Variants in DAB1 observed in about 807,000 individuals in gnomAD.
DAB1 encodes the protein DAB adaptor protein 1, also known as disabled homolog 1.
A neutral mutation model predicts 64.6 loss-of-function variants in DAB1; 15 were observed. The observed-to-expected ratio is 0.23, with a 90% CI of 0.16 to 0.36. The LOEUF is 0.36. Ranked by LOEUF, DAB1 falls within the 10% of genes least tolerant of loss-of-function variation. The pLI is 1.00. For missense variants in DAB1, 596 were observed against 706.7 expected (o/e 0.84, Z 1.78); for synonymous variants, 235 against 251.9 (o/e 0.93, Z 0.64).
At chr1:57,119,385 C>G (rs1325702760) in intron 4 of DAB1, among the ~76,000 whole-genome samples, 1 of 151,890 alleles carries the variant, frequency 6.6e-6, no homozygotes, top group Non-Finnish European at 1.5e-5. Flanking sequence ...GTGTCTTTCC[C>G]CCCTCCTCTT....
chr1:58,065,146 C>T (rs1266952828), intron 5 of DAB1, among the ~76,000 whole-genome samples: 5 of 152,186 alleles, frequency 3.3e-5, no homozygotes, highest in Admixed American at 2.6e-4. Flanking sequence ...ATTTATTGAG[C>T]ACTTACCCTG....
chr1:58,533,128 T>TA (rs1301239667), intron 1 of DAB1, among the ~76,000 whole-genome samples: 1 of 152,224 alleles, frequency 6.6e-6, no homozygotes, highest in African/African-American at 2.4e-5. Context: ...AATAACAATT[T>TA]AAAAAATGTG....
chr1:57,737,239 G>T (rs949009190), intron 6 of DAB1, among the ~76,000 whole-genome samples: 2 of 152,192 alleles, frequency 1.3e-5, no homozygotes, highest in African/African-American at 4.8e-5. Flanking sequence ...AAAAGACAAT[G>T]GTGCTTGTTG....
Position 57,813,554 on chromosome 1 carries a change from G to A in DAB1, n.551+70445C>T, listed in dbSNP as rs112484148. The stretch of plus-strand genomic sequence containing the variant: ...ACAATGCGGTAAGTGCTTTCATTGC[G>A]CTAACCCATGGGAACACAGAAGGGG... On this transcript the variant is annotated intron_variant and non_coding_transcript_variant, in intron 6 of 20. Coordinates refer to the DAB1 transcript ENST00000485760. 2.6e-3 allele frequency among the ~76,000 whole-genome samples: 397 copies of A among 152,278 alleles called. 3 individuals carry two copies. Among genetic ancestry groups the A allele is most frequent in the Middle Eastern group, 0.01 (3 of 294 alleles).
At chr1:58,086,691 A>G (rs1650335016) in intron 5 of DAB1, among the ~76,000 whole-genome samples, 1 of 151,942 alleles carries the variant, frequency 6.6e-6, no homozygotes, top group Non-Finnish European at 1.5e-5. Flanking sequence ...CTCACATACC[A>G]GGGAATGGCC....
At chr1:58,355,201 T>C (rs941166703) in intron 3 of DAB1, among the ~76,000 whole-genome samples, 1 of 152,164 alleles carries the variant, frequency 6.6e-6, no homozygotes, top group Non-Finnish European at 1.5e-5. Flanking sequence ...AACACACAAC[T>C]CAACTCTCCT....
At chr1:58,249,800 T>A (rs906870244) in intron 4 of DAB1, among the ~76,000 whole-genome samples, 1 of 152,088 alleles carries the variant, frequency 6.6e-6, no homozygotes, top group Non-Finnish European at 1.5e-5. Flanking sequence ...GGGATTCCGC[T>A]TGGGGGGTTC....
intron 7 of DAB1, among the ~76,000 whole-genome samples, chr1:57,555,185 C>T (rs1479060684): frequency 1.3e-5 from 2 of 151,732 alleles, no homozygotes; most frequent in East Asian, 3.9e-4. Flanking sequence ...CAGGCACGTG[C>T]CCCCACACCC....
chr1:58,404,028 C>G (rs551010600), intron 3 of DAB1, among the ~76,000 whole-genome samples: 1 of 152,158 alleles, frequency 6.6e-6, no homozygotes, highest in South Asian at 2.1e-4. Context: ...TCCCAGAGAA[C>G]AGACAACAGA....
chr1:57,712,084 C>T (rs1037250119), intron 6 of DAB1, among the ~76,000 whole-genome samples: 11 of 152,066 alleles, frequency 7.2e-5, no homozygotes, highest in African/African-American at 2.7e-4. Flanking sequence ...CGAGATATCT[C>T]AAAACATGAC....
chr1:58,050,936 C>T (rs1171016237), intron 5 of DAB1, among the ~76,000 whole-genome samples: 1 of 152,126 alleles, frequency 6.6e-6, no homozygotes, highest in African/African-American at 2.4e-5. Context: ...ATTACTGATG[C>T]TCTACTACAT....
intron 1 of DAB1, among the ~76,000 whole-genome samples, chr1:57,362,734 GTTGT>G (rs1226961826): frequency 6.6e-6 from 1 of 152,078 alleles, no homozygotes; most frequent in Non-Finnish European, 1.5e-5. Flanking sequence ...CTGGACTTAA[GTTGT>G]TTATTAGCTA....
chr1:58,488,110 T>C (rs147424769), intron 3 of DAB1, among the ~76,000 whole-genome samples: 19 of 152,304 alleles, frequency 1.2e-4, no homozygotes, highest in African/African-American at 4.6e-4. Context: ...GATAAAGTTT[T>C]CTTTAAATAC....
chr1:57,693,441 C>T (rs1432578307), intron 6 of DAB1, among the ~76,000 whole-genome samples: 5 of 152,112 alleles, frequency 3.3e-5, no homozygotes, highest in Non-Finnish European at 7.4e-5. Context: ...CACCAATCAG[C>T]ACTCTGTGTC....
At position 57,015,414 on chromosome 1, in the gene DAB1, C is replaced by T. The variant is rs749729731; in HGVS notation, c.913G>A (p.Ala305Thr). ...AVPSGYVAMG[A>T]VLPSFWGQQP... ...TGACCCCAGAAGGACGGGAGGACAG[C>T]GCCCATTGCAACGTAACCTGGGAGA... The change falls in exon 12 of 15, where the codon GCT becomes ACT. Residue 305 changes from alanine to threonine, a missense_variant. Physicochemically the swap from Ala to Thr is moderately conservative, Grantham distance 58. Transcript: ENST00000371236. 1.1e-5 allele frequency: 17 copies of T among 1,608,928 alleles called. No individual in the cohort carries two copies. Among genetic ancestry groups the T allele is most frequent in the Middle Eastern group, 1.7e-4 (1 of 6,036 alleles).
At chr1:57,063,220 A>G (rs765225503) in intron 8 of DAB1, among the ~76,000 whole-genome samples, 23 of 152,188 alleles carry the variant, frequency 1.5e-4, no homozygotes, top group Non-Finnish European at 2.4e-4. Flanking sequence ...AAACTTACAT[A>G]GACTTCAGAA....
chr1:57,686,924 C>A lies in DAB1; in HGVS notation n.552-37259G>T, dbSNP rs187657490. ...AAAATAATAACTATCTATGACAAAC[C>A]CACAGCCAACATCACATTGAACAGG... On this transcript the variant is annotated intron_variant and non_coding_transcript_variant, in intron 6 of 20. Coordinates refer to the DAB1 transcript ENST00000485760. Among the ~76,000 whole-genome samples, 134 of 152,150 alleles carry A rather than the reference C, an allele frequency of 8.8e-4. 1 individual carries two copies. Among genetic ancestry groups the A allele is most frequent in the Non-Finnish European group, 2.1e-4 (14 of 67,994 alleles).
chr1:57,552,421 G>T (rs1644924583), intron 7 of DAB1, among the ~76,000 whole-genome samples: 1 of 152,152 alleles, frequency 6.6e-6, no homozygotes. Flanking sequence ...ATTCGGCATG[G>T]CTGGGGCTAT....
intron 7 of DAB1, among the ~76,000 whole-genome samples, chr1:57,459,800 T>C (rs946019125): frequency 8.5e-5 from 13 of 152,206 alleles, no homozygotes; most frequent in Non-Finnish European, 1.2e-4. Flanking sequence ...CTCTCCTCTT[T>C]CTCATTCTTC....
Sources: gnomAD v4.1 joint callset for allele counts (sites outside exome capture counted in the v4.1 genomes callset) on GRCh38, gnomAD v4.1.1 for gene constraint, MANE v1.5 for transcripts, NCBI Gene and HGNC (gene_info 2026-07-23, HGNC 2026-07-21) for gene names.